Variants in ANAPC10 observed in about 807,000 individuals in gnomAD.
The protein encoded by ANAPC10 is anaphase promoting complex subunit 10, also known as anaphase-promoting complex subunit 10.
Under a neutral mutation model 22.0 loss-of-function variants are expected in ANAPC10, and 12 were observed. That is an observed-to-expected ratio of 0.55 (90% confidence interval 0.35 to 0.88). The LOEUF is 0.88. ANAPC10 is among the 40% of genes least tolerant of loss of function. The probability of loss-of-function intolerance (pLI) is 0.01; values close to 1 mark genes in which losing one functional copy is unlikely to be tolerated. For missense variants in ANAPC10, 188 were observed against 220.9 expected, an observed-to-expected ratio of 0.85 and a Z score of 0.94; for synonymous variants, 65 against 69.5, an observed-to-expected ratio of 0.94 and a Z score of 0.32.
At chr4:145,066,960 T>C (rs1743789726) in intron 3 of ANAPC10, among the ~76,000 whole-genome samples, 1 of 152,160 alleles carries the variant, frequency 6.6e-6, no homozygotes, top group Admixed American at 6.5e-5. Flanking sequence ...AATAGGTAGG[T>C]GTCTGTAGTT....
intron 4 of ANAPC10, among the ~76,000 whole-genome samples, chr4:145,059,647 G>C (rs1430077596): frequency 6.6e-6 from 1 of 151,994 alleles, no homozygotes; most frequent in Non-Finnish European, 1.5e-5. Context: ...AATAATTTGA[G>C]AACTGTCACA....
chr4:145,029,019 C>T (rs2127040913), intron 4 of ANAPC10, among the ~76,000 whole-genome samples: 1 of 152,182 alleles, frequency 6.6e-6, no homozygotes, highest in African/African-American at 2.4e-5. Flanking sequence ...GAGTGGCTGA[C>T]CTGCAACGAA....
intron 2 of ANAPC10, among the ~76,000 whole-genome samples, chr4:145,088,034 C>T (rs56253738): frequency 0.22 from 33,591 of 151,954 alleles, 4,467 homozygotes; most frequent in East Asian, 0.45. Flanking sequence ...GGCAACAGAG[C>T]GAGACTCCAC....
chr4:145,052,602 TA>T (rs762350424), intron 4 of ANAPC10, among the ~76,000 whole-genome samples: 46 of 151,920 alleles, frequency 3.0e-4, no homozygotes, highest in Admixed American at 1.2e-3. Context: ...TTTTCCTATT[TA>T]AAAAAAATAT....
intron 4 of ANAPC10, among the ~76,000 whole-genome samples, chr4:145,026,805 A>T: frequency 6.7e-6 from 1 of 150,126 alleles, no homozygotes; most frequent in East Asian, 1.9e-4. Flanking sequence ...ATCCTCAGTG[A>T]TATAACATAT....
chr4:145,041,049 A>C (rs547554524), intron 4 of ANAPC10, among the ~76,000 whole-genome samples: 2 of 152,306 alleles, frequency 1.3e-5, no homozygotes, highest in South Asian at 4.1e-4. Flanking sequence ...GTAGCTCCCC[A>C]ACCCAATGAC....
chr4:144,995,194 G>T lies in ANAPC10; in HGVS notation c.*179C>A. On this transcript the variant is annotated 3_prime_UTR_variant, in exon 5 of 5. Transcript: ENST00000507656. The stretch of plus-strand genomic sequence containing the variant: ...GTAAAATATGTGAGCTTTATTACAT[G>T]TTAAAGAAAATAAAGATAATATGAC... 2.4e-6 allele frequency: 1 copy of T among 414,798 alleles called. No homozygotes were observed. Among genetic ancestry groups the T allele is most frequent in the Non-Finnish European group, 4.2e-6 (1 of 236,528 alleles). The allele number at this position is 414,798 out of a possible 1,614,324, so 25.7% of individuals were successfully genotyped here.
At chr4:144,996,789 C>A (rs556737341) in intron 4 of ANAPC10, among the ~76,000 whole-genome samples, 1 of 152,156 alleles carries the variant, frequency 6.6e-6, no homozygotes, top group East Asian at 1.9e-4. Context: ...CAAACTTCTC[C>A]GAGCTAAAGG....
intron 4 of ANAPC10, among the ~76,000 whole-genome samples, chr4:145,063,472 C>CAT (rs33910146): frequency 0.99 from 150,311 of 152,172 alleles, 74,261 homozygotes; most frequent in East Asian, 1. Flanking sequence ...TCAGATTAAA[C>CAT]ATAAATTTAG....
chr4:145,000,012 G>T (rs1021235273), intron 4 of ANAPC10, among the ~76,000 whole-genome samples: 4 of 152,202 alleles, frequency 2.6e-5, no homozygotes, highest in African/African-American at 9.6e-5. Flanking sequence ...GGAGAAAGCT[G>T]AAACTGGATC....
intron 4 of ANAPC10, among the ~76,000 whole-genome samples, chr4:145,042,091 T>C (rs987433089): frequency 2.6e-5 from 4 of 152,162 alleles, no homozygotes; most frequent in African/African-American, 4.8e-5. Context: ...ATCTGGTAAA[T>C]AATTTTTTGT....
At chr4:145,060,714 T>C (rs1314710798) in intron 4 of ANAPC10, among the ~76,000 whole-genome samples, 1 of 152,088 alleles carries the variant, frequency 6.6e-6, no homozygotes, top group Non-Finnish European at 1.5e-5. Context: ...ACTAATGAAA[T>C]GATGACTCTG....
chr4:145,075,887 C>T (rs1745126193), intron 3 of ANAPC10, among the ~76,000 whole-genome samples: 1 of 152,142 alleles, frequency 6.6e-6, no homozygotes, highest in Admixed American at 6.5e-5. Flanking sequence ...TTGTCATGTA[C>T]CTCTAGGTGG....
At position 145,064,605 on chromosome 4, in the gene ANAPC10, T is replaced by C. The variant is rs765089127; in HGVS notation, c.294A>G (p.Val98=). Residue 98 remains valine (V), a synonymous_variant, in exon 4 of 5, where the codon GTA becomes GTG. Transcript: ENST00000507656. ...SYTPSKISVR[V]GNNFHNLQEI... is the part of the protein sequence containing the mutation. ...CTTGAAGGTTGTGAAAATTATTTCC[T>C]ACTCTGACTGAGATCTTGCTTGGAG... The C allele has an allele frequency of 3.1e-6, 5 of 1,608,622 alleles. No individual in the cohort carries two copies. The highest frequency in any genetic ancestry group is 1.7e-5 in the Admixed American group (1 of 59,700).
At chr4:145,067,940 C>A (rs1438428345) in intron 3 of ANAPC10, among the ~76,000 whole-genome samples, 2 of 152,140 alleles carry the variant, frequency 1.3e-5, no homozygotes, top group East Asian at 3.8e-4. Flanking sequence ...GAAAAACATG[C>A]CCCTTTTACC....
intron 4 of ANAPC10, among the ~76,000 whole-genome samples, chr4:145,054,331 C>A (rs1741599658): frequency 6.7e-6 from 1 of 150,338 alleles, no homozygotes; most frequent in Non-Finnish European, 1.5e-5. Context: ...GAGGGCAGAT[C>A]ATGAGGTCAG....
At chr4:145,076,295 C>T (rs1409311443) in intron 3 of ANAPC10, among the ~76,000 whole-genome samples, 1 of 152,186 alleles carries the variant, frequency 6.6e-6, no homozygotes, top group Non-Finnish European at 1.5e-5. Flanking sequence ...TGTTCAAAGG[C>T]CCTCTGGATT....
intron 2 of ANAPC10, among the ~76,000 whole-genome samples, chr4:145,085,807 A>G (rs1291073084): frequency 6.6e-6 from 1 of 151,888 alleles, no homozygotes; most frequent in Non-Finnish European, 1.5e-5. Context: ...TTATGTGCCA[A>G]TCCCGTCTCA....
At chr4:145,041,231 T>G (rs1739469036) in intron 4 of ANAPC10, among the ~76,000 whole-genome samples, 1 of 152,194 alleles carries the variant, frequency 6.6e-6, no homozygotes, top group African/African-American at 2.4e-5. Flanking sequence ...AAGGTGAAAT[T>G]TTACAAAATG....
Sources: gnomAD v4.1 joint callset for allele counts (sites outside exome capture counted in the v4.1 genomes callset) on GRCh38, gnomAD v4.1.1 for gene constraint, MANE v1.5 for transcripts, NCBI Gene and HGNC (gene_info 2026-07-23, HGNC 2026-07-21) for gene names.